Variants in GNA14 observed in about 807,000 individuals in gnomAD.
The protein encoded by GNA14 is G protein subunit alpha 14, also known as guanine nucleotide-binding protein subunit alpha-14.
In GNA14, 50 loss-of-function variants were observed where a neutral mutation model predicts 42.0. The observed-to-expected ratio is 1.19, with a 90% CI of 0.95 to 1.51. GNA14 has a LOEUF of 1.51. Ranked by LOEUF, GNA14 falls within the 40% of genes most tolerant of loss-of-function variation. GNA14 has a pLI of 0.00. For missense variants in GNA14, 473 were observed against 446.2 expected, an observed-to-expected ratio of 1.06 and a Z score of -0.54; for synonymous variants, 173 against 163.1, an observed-to-expected ratio of 1.06 and a Z score of -0.46.
intron 2 of GNA14, among the ~76,000 whole-genome samples, chr9:77,450,022 T>C (rs1321731761): frequency 3.3e-5 from 5 of 152,174 alleles, no homozygotes; most frequent in Non-Finnish European, 7.3e-5. Context: ...GACTGGAAGC[T>C]GGACCTGGGC....
chr9:77,460,337 A>C (rs971199841), intron 2 of GNA14, among the ~76,000 whole-genome samples: 1 of 152,224 alleles, frequency 6.6e-6, no homozygotes, highest in Non-Finnish European at 1.5e-5. Flanking sequence ...AGGAACACCA[A>C]GGGTTGCCGG....
In GNA14 at chr9:77,478,464, T is replaced by C. The variant is rs1291558444; in HGVS notation, c.310-43942A>G. Among the ~76,000 whole-genome samples the C allele has an allele frequency of 3.3e-5, 5 of 152,284 alleles. No individual in the cohort carries two copies. In the East Asian group the frequency reaches 9.6e-4, roughly 29 times the overall value. ...TGGGTTGGTTCCAAGTCTTTGCTATTGTGAATAGTGCCGCAATAAACATAC... is the reference window on the plus strand; with the variant it reads ...TGGGTTGGTTCCAAGTCTTTGCTATCGTGAATAGTGCCGCAATAAACATAC... On this transcript the variant is annotated intron_variant, in intron 2 of 6. Transcript: ENST00000341700.
intron 2 of GNA14, among the ~76,000 whole-genome samples, chr9:77,493,025 AAAT>A (rs1836808380): frequency 8.4e-6 from 1 of 118,832 alleles, no homozygotes; most frequent in Non-Finnish European, 1.7e-5. Context: ...AAAAAAAAAA[AAAT>A]ATATATATAT....
chr9:77,475,127 C>CA (rs1836396411), intron 2 of GNA14, among the ~76,000 whole-genome samples: 2 of 151,978 alleles, frequency 1.3e-5, no homozygotes, highest in South Asian at 4.1e-4. Context: ...AATGAAGAGA[C>CA]AACTCATCTA....
intron 2 of GNA14, among the ~76,000 whole-genome samples, chr9:77,454,536 C>A (rs1835966544): frequency 6.7e-6 from 1 of 150,360 alleles, no homozygotes; most frequent in Admixed American, 6.6e-5. Flanking sequence ...GGAAAAGGAA[C>A]AGATGAAATT....
chr9:77,512,954 G>A (rs1837193780), intron 2 of GNA14, among the ~76,000 whole-genome samples: 1 of 152,164 alleles, frequency 6.6e-6, no homozygotes, highest in African/African-American at 2.4e-5. Flanking sequence ...TATTTTCCAT[G>A]CAACTATTTC....
chr9:77,529,378 A>G, intron 1 of GNA14, 125 bp from the exon 2 acceptor site: 1 of 771,414 alleles, frequency 1.3e-6, no homozygotes, highest in East Asian at 2.5e-5. Context: ...TGGATTTGGA[A>G]GGGACTGCCA....
rs1205294158 is a variant in GNA14 at position 77,449,558 on chromosome 9, C to A, written c.310-15036G>T. Among the ~76,000 whole-genome samples the A allele has an allele frequency of 3.3e-5, 5 of 152,280 alleles. No individual in the cohort carries two copies. The East Asian group carries it at 9.6e-4, about 29-fold the overall frequency. ...CAGTGGCCAGACGTTTCTAGAGAGC[C>A]TGAAATCCAAGACAACTGTGGAAGG... is the stretch of plus-strand genomic sequence containing the variant. On this transcript the variant is annotated intron_variant, in intron 2 of 6. Coordinates refer to ENST00000341700, the MANE Select transcript of GNA14 (RefSeq NM_004297.4).
chr9:77,570,010 T>C (rs1033048406), intron 1 of GNA14, among the ~76,000 whole-genome samples: 3 of 151,894 alleles, frequency 2.0e-5, no homozygotes, highest in African/African-American at 7.3e-5. Flanking sequence ...CGTGATCCGC[T>C]TGCCTCGGCC....
chr9:77,616,554 AG>A (rs1266359277), intron 1 of GNA14, among the ~76,000 whole-genome samples: 2 of 152,236 alleles, frequency 1.3e-5, no homozygotes, highest in Non-Finnish European at 2.9e-5. Context: ...CAAGAGACAT[AG>A]GAATATTTCA....
intron 1 of GNA14, among the ~76,000 whole-genome samples, chr9:77,590,706 C>T (rs1009129830): frequency 9.4e-5 from 14 of 148,184 alleles, no homozygotes; most frequent in Admixed American, 8.7e-4. Flanking sequence ...TTAGGTCACA[C>T]ATTAAAAAAA....
rs141247992 is a variant in GNA14 at position 77,640,771 on chromosome 9, G to C, written c.124+6899C>G. On this transcript the variant is annotated intron_variant, in intron 1 of 6. Transcript: ENST00000341700. The stretch of plus-strand genomic sequence containing the variant: ...AGATCCAGTTCTCCAATAAAAGGAA[G>C]CAGAGCCCCTCTGAGAAACAGCTGA... Among the ~76,000 whole-genome samples the C allele has an allele frequency of 1.1e-3, 155 of 147,534 alleles. 1 individual carries two copies. Among genetic ancestry groups the C allele is most frequent in the African/African-American group, 3.8e-3 (151 of 39,670 alleles).
At chr9:77,494,328 A>G (rs971051114) in intron 2 of GNA14, among the ~76,000 whole-genome samples, 1 of 152,222 alleles carries the variant, frequency 6.6e-6, no homozygotes, top group Non-Finnish European at 1.5e-5. Flanking sequence ...TTTTGTGGTC[A>G]TTATTAATCT....
rs187215592 is a variant in GNA14 at position 77,550,820 on chromosome 9, C to T, written c.125-21567G>A. Among the ~76,000 whole-genome samples, 13 of 152,300 alleles carry T rather than the reference C, an allele frequency of 8.5e-5. No individual in the cohort carries two copies. The East Asian group carries it at 2.3e-3, about 27-fold the overall frequency. On this transcript the variant is annotated intron_variant, in intron 1 of 6. Coordinates refer to ENST00000341700, the MANE Select transcript of GNA14 (RefSeq NM_004297.4). ...TCCACAGGGGCAACAAAATTATTCACAGGGTAAAGTGTGCAAATTAAGATG... is the reference window on the plus strand; with the variant it reads ...TCCACAGGGGCAACAAAATTATTCATAGGGTAAAGTGTGCAAATTAAGATG...
chr9:77,448,419 A>G (rs1835857642), intron 2 of GNA14, among the ~76,000 whole-genome samples: 1 of 152,222 alleles, frequency 6.6e-6, no homozygotes, highest in African/African-American at 2.4e-5. Flanking sequence ...TCTTTATTAT[A>G]AAACAGGTTT....
intron 1 of GNA14, among the ~76,000 whole-genome samples, chr9:77,616,962 C>T (rs1307971811): frequency 2.0e-5 from 3 of 152,100 alleles, no homozygotes; most frequent in Admixed American, 1.3e-4. Context: ...CTCCGCCTCC[C>T]GGGTTCACGC....
In GNA14 at chr9:77,434,435, G is replaced by T. The variant is rs748873215; in HGVS notation, c.397C>A (p.Gln133Lys). 2 of 1,613,904 alleles carry T rather than the reference G, an allele frequency of 1.2e-6. No individual in the cohort carries two copies. Among genetic ancestry groups the T allele is most frequent in the South Asian group, 2.2e-5 (2 of 91,080 alleles). ...EQVEAIKQLWQDPGIQECYDR... is the reference protein window; with the variant it reads ...EQVEAIKQLWKDPGIQECYDR... Reference sequence around the variant, plus strand: ...TAACACTCCTGGATGCCTGGATCTTGCCAGAGCTGCTTGATGGCCTCCACC... The same window carrying T: ...TAACACTCCTGGATGCCTGGATCTTTCCAGAGCTGCTTGATGGCCTCCACC... Residue 133 changes from glutamine to lysine, a missense_variant, in exon 3 of 7, where the codon CAA (glutamine) becomes AAA (lysine). Coordinates refer to ENST00000341700, the MANE Select transcript of GNA14 (RefSeq NM_004297.4).
At chr9:77,489,757 G>A (rs1018923768) in intron 2 of GNA14, among the ~76,000 whole-genome samples, 1 of 152,012 alleles carries the variant, frequency 6.6e-6, no homozygotes, top group African/African-American at 2.4e-5. Flanking sequence ...CGGTGGGCTC[G>A]TGGTCTCGCT....
intron 2 of GNA14, among the ~76,000 whole-genome samples, chr9:77,478,030 CT>C (rs11455779): frequency 0.017 from 2,527 of 146,830 alleles, 63 homozygotes; most frequent in African/African-American, 0.059. Context: ...TTAAAGGTGT[CT>C]TTTTTTTTTT....
Sources: gnomAD v4.1 joint callset for allele counts (sites outside exome capture counted in the v4.1 genomes callset) on GRCh38, gnomAD v4.1.1 for gene constraint, MANE v1.5 for transcripts, NCBI Gene and HGNC (gene_info 2026-07-23, HGNC 2026-07-21) for gene names.